PANX1: variants seen among roughly 807,000 people sequenced by gnomAD.
PANX1 encodes the protein pannexin-1.
Under a neutral mutation model 38.7 loss-of-function variants are expected in PANX1, and 30 were observed. The ratio of observed to expected loss-of-function variants is 0.78; its 90% CI spans 0.58 to 1.05. The LOEUF (loss-of-function observed/expected upper bound fraction) is 1.05. PANX1 is among the 50% of genes least tolerant of loss of function. PANX1 has a pLI of 0.00. For missense variants in PANX1, 551 were observed against 517.2 expected (o/e 1.07, Z -0.63); for synonymous variants, 230 against 212.2 (o/e 1.08, Z -0.73).
At chr11:94,173,566 AC>A (rs774506592) in intron 2 of PANX1, among the ~76,000 whole-genome samples, 1 of 151,112 alleles carries the variant, frequency 6.6e-6, no homozygotes, top group Non-Finnish European at 1.5e-5. Context: ...TGAGCTACAC[AC>A]CCGGCGTGAT....
chr11:94,159,593 T>C (rs1256867554), intron 2 of PANX1, among the ~76,000 whole-genome samples: 2 of 152,192 alleles, frequency 1.3e-5, no homozygotes, highest in African/African-American at 2.4e-5. Flanking sequence ...TATCATTTTT[T>C]ATTGCGTCTA....
chr11:94,140,813 A>G lies in PANX1; in HGVS notation c.181+11320A>G, dbSNP rs575278872. Reference sequence around the variant, plus strand: ...AAAACTGACAGACTTAAAAATATTTATTAATTGATTTAAAGTAAACCCATT... The same window carrying G: ...AAAACTGACAGACTTAAAAATATTTGTTAATTGATTTAAAGTAAACCCATT... On this transcript the variant is annotated intron_variant, in intron 1 of 4. Coordinates refer to ENST00000227638, the MANE Select transcript of PANX1 (RefSeq NM_015368.4). Among the ~76,000 whole-genome samples, 262 of 152,332 alleles carry G rather than the reference A, an allele frequency of 1.7e-3. 1 individual carries two copies. The highest frequency in any genetic ancestry group is 5.9e-3 in the African/African-American group (245 of 41,564).
intron 2 of PANX1, among the ~76,000 whole-genome samples, chr11:94,164,769 T>C (rs1378683616): frequency 6.6e-6 from 1 of 152,210 alleles, no homozygotes; most frequent in Admixed American, 6.5e-5. Flanking sequence ...ATACTGAAAG[T>C]CGGGCGTGAA....
chr11:94,135,816 A>G (rs994233875), intron 1 of PANX1, among the ~76,000 whole-genome samples: 3 of 152,260 alleles, frequency 2.0e-5, no homozygotes, highest in Non-Finnish European at 4.4e-5. Context: ...CTGCATTAGC[A>G]TAACGTGTAC....
At chr11:94,136,245 A>G (rs1190579495) in intron 1 of PANX1, among the ~76,000 whole-genome samples, 3 of 152,088 alleles carry the variant, frequency 2.0e-5, no homozygotes, top group Non-Finnish European at 4.4e-5. Context: ...GACTCCCTCA[A>G]AATGTGACTG....
Position 94,129,380 on chromosome 11 carries a change from C to G in PANX1, c.68C>G (p.Pro23Arg), listed in dbSNP as rs767011036. The change falls in exon 1 of 5, where the codon CCC (proline) becomes CGC (arginine). Residue 23 changes from proline to arginine, a missense_variant. Pro to Arg is a moderately radical substitution (Grantham distance 103). Transcript: ENST00000227638. The part of the protein sequence containing the change: ...SDFLLKEPTE[P>R]KFKGLRLELA... ...TTCTTGCTGAAGGAGCCCACGGAGC[C>G]CAAGTTCAAGGGGCTGCGACTGGAG... The G allele has an allele frequency of 1.9e-6, 3 of 1,613,838 alleles. No individual in the cohort carries two copies. The highest frequency in any genetic ancestry group is 1.7e-5 in the Admixed American group (1 of 59,974).
intron 2 of PANX1, chr11:94,175,856 G>T (rs1016380413): frequency 1.0e-6 from 1 of 984,644 alleles, no homozygotes. Flanking sequence ...ACCTCATCCC[G>T]TGCCAGAATG....
chr11:94,174,722 C>A (rs1947211397), intron 2 of PANX1, among the ~76,000 whole-genome samples: 1 of 151,668 alleles, frequency 6.6e-6, no homozygotes, highest in Non-Finnish European at 1.5e-5. Context: ...ATTTACCCAT[C>A]TGCACTTAAT....
intron 1 of PANX1, among the ~76,000 whole-genome samples, chr11:94,131,257 A>G (rs1002428277): frequency 2.6e-5 from 4 of 152,184 alleles, no homozygotes; most frequent in Admixed American, 6.5e-5. Flanking sequence ...TAGCACATGT[A>G]CTAGAGGGAC....
intron 2 of PANX1, among the ~76,000 whole-genome samples, chr11:94,156,848 G>A (rs1404887784): frequency 6.6e-6 from 1 of 151,450 alleles, no homozygotes; most frequent in Non-Finnish European, 1.5e-5. Context: ...TTAACATTAG[G>A]TATACCTCCT....
chr11:94,151,906 G>A (rs1946886404), intron 1 of PANX1, among the ~76,000 whole-genome samples: 1 of 152,184 alleles, frequency 6.6e-6, no homozygotes, highest in African/African-American at 2.4e-5. Flanking sequence ...GGGTGCACAG[G>A]CCCCTGATGG....
At position 94,173,532 on chromosome 11, in the gene PANX1, G is replaced by T. The variant is rs115943817; in HGVS notation, c.322-4837G>T. On this transcript the variant is annotated intron_variant, in intron 2 of 4. Transcript: ENST00000227638. ...GACTCTTCATTTATTTCACCTGAAG[G>T]TTCCACCCCGTCATGCCCTTGCATG... Among the ~76,000 whole-genome samples the T allele has an allele frequency of 2.1e-3, 322 of 151,530 alleles. 14 individuals are homozygous for T. Among genetic ancestry groups the T allele is most frequent in the African/African-American group, 7.3e-3 (299 of 40,944 alleles).
At chr11:94,135,259 T>C (rs1946675175) in intron 1 of PANX1, among the ~76,000 whole-genome samples, 1 of 152,214 alleles carries the variant, frequency 6.6e-6, no homozygotes, top group Admixed American at 6.5e-5. Context: ...GGACTTAGTC[T>C]TTCTGAGTTA....
intron 2 of PANX1, among the ~76,000 whole-genome samples, chr11:94,161,829 T>G (rs1947041202): frequency 6.6e-6 from 1 of 152,184 alleles, no homozygotes; most frequent in African/African-American, 2.4e-5. Context: ...TCTGCTCTGT[T>G]TTTTCCCCAT....
intron 1 of PANX1, among the ~76,000 whole-genome samples, chr11:94,137,931 T>A (rs1291846463): frequency 1.7e-5 from 2 of 118,740 alleles, no homozygotes; most frequent in Non-Finnish European, 3.5e-5. Context: ...ACATGATTTT[T>A]TTTGTTGGCA....
intron 1 of PANX1, among the ~76,000 whole-genome samples, chr11:94,130,303 TTGTCA>T (rs1946613424): frequency 6.6e-6 from 1 of 152,174 alleles, no homozygotes; most frequent in African/African-American, 2.4e-5. Context: ...GGGAAAACTT[TTGTCA>T]GAGGGTGGGT....
Position 94,179,822 on chromosome 11 carries a change from G to A in PANX1, c.766G>A (p.Asp256Asn), listed in dbSNP as rs1947282314. Reference sequence around the variant, plus strand: ...CATCAAATCAGGGATCCTGAGAAACGACAGCACCGTGCCCGATCAGTTTCA... The same window carrying A: ...CATCAAATCAGGGATCCTGAGAAACAACAGCACCGTGCCCGATCAGTTTCA... Reference protein sequence around the residue: ...CSIKSGILRNDSTVPDQFQCK... With the variant: ...CSIKSGILRNNSTVPDQFQCK... The change falls in exon 4 of 5, where the codon GAC becomes AAC. Residue 256 changes from aspartate (D) to asparagine (N), a missense_variant. By Grantham distance (23) the Asp-to-Asn change is conservative. Coordinates refer to ENST00000227638, the MANE Select transcript of PANX1 (RefSeq NM_015368.4). The A allele has an allele frequency of 3.7e-6, 6 of 1,613,984 alleles. No individual in the cohort carries two copies. Among genetic ancestry groups the A allele is most frequent in the Middle Eastern group, 1.6e-4 (1 of 6,082 alleles).
At position 94,150,070 on chromosome 11, in the gene PANX1, G is replaced by C. The variant is rs966775910; in HGVS notation, c.182-3421G>C. 4.6e-5 allele frequency among the ~76,000 whole-genome samples: 7 copies of C among 152,276 alleles called. No homozygotes were observed. The East Asian group carries it at 1.4e-3, about 29-fold the overall frequency. ...GGAAGTCAGTGGGGGAGGAAGCTTTGTGAAGAGGGTGATGCCTAAGCAGAG... is the reference window on the plus strand; with the variant it reads ...GGAAGTCAGTGGGGGAGGAAGCTTTCTGAAGAGGGTGATGCCTAAGCAGAG... On this transcript the variant is annotated intron_variant, in intron 1 of 4. Transcript: ENST00000227638.
chr11:94,136,904 G>T (rs757084385), intron 1 of PANX1, among the ~76,000 whole-genome samples: 1 of 152,190 alleles, frequency 6.6e-6, no homozygotes, highest in Non-Finnish European at 1.5e-5. Flanking sequence ...AGGAAACCTA[G>T]TGGCTTCTGC....
Sources: allele counts gnomAD v4.1 joint callset (sites outside exome capture counted in the v4.1 genomes callset), GRCh38; gene constraint gnomAD v4.1.1; transcripts MANE v1.5; gene names NCBI Gene and HGNC (gene_info 2026-07-23, HGNC 2026-07-21).